The following TIAM1 variants were observed in gnomAD, a reference collection of about 807,000 sequenced individuals.
The protein encoded by TIAM1 is TIAM Rac1 associated GEF 1, also known as rho guanine nucleotide exchange factor TIAM1.
In TIAM1, 65 loss-of-function variants were observed where a neutral mutation model predicts 163.5. The observed-to-expected ratio is 0.40, with a 90% CI of 0.33 to 0.49. The LOEUF is 0.49. TIAM1 is among the 20% of genes least tolerant of loss of function. The pLI is 0.77. For synonymous variants in TIAM1, 833 were observed against 810.1 expected (o/e 1.03, Z -0.48); for missense variants, 1,789 against 2,044.7 (o/e 0.87, Z 2.41).
intron 2 of TIAM1, among the ~76,000 whole-genome samples, chr21:31,325,704 C>G (rs1448418911): frequency 6.6e-6 from 1 of 151,108 alleles, no homozygotes; most frequent in East Asian, 1.9e-4. Context: ...GAAGAAGGTT[C>G]ATCTAAAATA....
At chr21:31,386,764 G>C (rs1010031327) in intron 2 of TIAM1, among the ~76,000 whole-genome samples, 6 of 152,212 alleles carry the variant, frequency 3.9e-5, no homozygotes, top group African/African-American at 1.4e-4. Context: ...GTAACAGCCA[G>C]AGAGAGGTGA....
At chr21:31,341,353 C>T (rs1279112645) in intron 1 of TIAM1, among the ~76,000 whole-genome samples, 1 of 152,210 alleles carries the variant, frequency 6.6e-6, no homozygotes, top group Non-Finnish European at 1.5e-5. Context: ...CCAGGTCTTT[C>T]TGACTCCAGC....
chr21:31,378,604 C>T (rs2076727994), intron 2 of TIAM1, among the ~76,000 whole-genome samples: 1 of 152,120 alleles, frequency 6.6e-6, no homozygotes, highest in African/African-American at 2.4e-5. Context: ...GGCTTTTAAC[C>T]ATTTTACTCC....
rs141727670 is a variant in TIAM1, at chr21:31,295,823, T to A, written c.-188-18915A>T. On this transcript the variant is annotated intron_variant, in intron 2 of 27. Coordinates refer to ENST00000541036, the MANE Select transcript of TIAM1 (RefSeq NM_001353694.2). The stretch of plus-strand genomic sequence containing the variant: ...TTGACTCTGATTATTTTTGTTTGTT[T>A]GTTTTTTGAGACGGATTGGGCTGGA... Among the ~76,000 whole-genome samples the A allele has an allele frequency of 8.2e-3, 1,246 of 152,278 alleles. 2 individuals are homozygous for A. Among genetic ancestry groups the A allele is most frequent in the Admixed American group, 0.013 (201 of 15,300 alleles).
At chr21:31,393,783 T>C (rs1388554905) in intron 2 of TIAM1, among the ~76,000 whole-genome samples, 1 of 152,192 alleles carries the variant, frequency 6.6e-6, no homozygotes, top group Non-Finnish European at 1.5e-5. Flanking sequence ...CAGAATGCCC[T>C]AAATCTTTCC....
chr21:31,392,377 C>A (rs2076979994), intron 2 of TIAM1, among the ~76,000 whole-genome samples: 1 of 151,900 alleles, frequency 6.6e-6, no homozygotes, highest in East Asian at 1.9e-4. Flanking sequence ...TCAAGACCAG[C>A]CTGACCAACG....
intron 2 of TIAM1, among the ~76,000 whole-genome samples, chr21:31,392,556 G>T (rs2076984718): frequency 9.0e-6 from 1 of 111,158 alleles, no homozygotes; most frequent in Admixed American, 1.1e-4. Flanking sequence ...GGCAACAAGA[G>T]CAAAACTCTG....
At chr21:31,364,290 G>T (rs2076461554) in intron 2 of TIAM1, among the ~76,000 whole-genome samples, 1 of 152,184 alleles carries the variant, frequency 6.6e-6, no homozygotes, top group Admixed American at 6.5e-5. Context: ...GAGTAAACTT[G>T]TTAACCAAAG....
At chr21:31,157,374 A>G (rs2083674133) in intron 16 of TIAM1, among the ~76,000 whole-genome samples, 1 of 152,248 alleles carries the variant, frequency 6.6e-6, no homozygotes, top group South Asian at 2.1e-4. Context: ...TGCAGTTCAA[A>G]AACTAGCAAG....
chr21:31,346,587 G>A (rs1349970342), upstream of TIAM1, among the ~76,000 whole-genome samples: 1 of 152,200 alleles, frequency 6.6e-6, no homozygotes, highest in African/African-American at 2.4e-5. Flanking sequence ...AGCCGACATG[G>A]TGTGCAGCGA....
chr21:31,410,012 C>T (rs1401289965), intron 2 of TIAM1, among the ~76,000 whole-genome samples: 2 of 151,920 alleles, frequency 1.3e-5, no homozygotes, highest in African/African-American at 2.4e-5. Context: ...GCCAGGGAAA[C>T]GCAGCAACAT....
intron 1 of TIAM1, among the ~76,000 whole-genome samples, chr21:31,558,644 C>G (rs1298933962): frequency 6.6e-6 from 1 of 152,162 alleles, no homozygotes; most frequent in Non-Finnish European, 1.5e-5. Context: ...TTCCATCCAG[C>G]GAAGGCACCT....
At chr21:31,368,271 C>A (rs575147947) in intron 2 of TIAM1, among the ~76,000 whole-genome samples, 1 of 151,364 alleles carries the variant, frequency 6.6e-6, no homozygotes, top group South Asian at 2.1e-4. Context: ...CTCCTCAGGG[C>A]TTTAATATTC....
chr21:31,286,391 T>A (rs963684402), intron 2 of TIAM1, among the ~76,000 whole-genome samples: 4 of 152,068 alleles, frequency 2.6e-5, no homozygotes, highest in African/African-American at 9.7e-5. Flanking sequence ...TGGTAAGACC[T>A]CATGTCTATT....
chr21:31,373,507 G>T (rs1173921960), intron 2 of TIAM1, among the ~76,000 whole-genome samples: 1 of 152,134 alleles, frequency 6.6e-6, no homozygotes, highest in Admixed American at 6.6e-5. Flanking sequence ...AAACCCATCG[G>T]ATCTCGTGAG....
chr21:31,317,182 T>C (rs1047569430), intron 2 of TIAM1, among the ~76,000 whole-genome samples: 3 of 152,006 alleles, frequency 2.0e-5, no homozygotes, highest in Admixed American at 6.6e-5. Context: ...TGGCCGGGCA[T>C]GGTGGCTCAA....
At chr21:31,171,370 A>T (rs1218180016) in intron 15 of TIAM1, among the ~76,000 whole-genome samples, 1 of 152,244 alleles carries the variant, frequency 6.6e-6, no homozygotes, top group Non-Finnish European at 1.5e-5. Flanking sequence ...TTGAAAATTC[A>T]GATTTTGCTG....
intron 1 of TIAM1, among the ~76,000 whole-genome samples, chr21:31,515,862 C>CT (rs1225028357): frequency 1.3e-5 from 2 of 152,162 alleles, no homozygotes; most frequent in Non-Finnish European, 2.9e-5. Context: ...AATCCCAGAA[C>CT]TTTGAGAGGC....
intron 2 of TIAM1, among the ~76,000 whole-genome samples, chr21:31,325,574 A>G (rs2075458534): frequency 6.6e-6 from 1 of 151,688 alleles, no homozygotes; most frequent in Admixed American, 6.6e-5. Flanking sequence ...AAGCTGAGGC[A>G]TGAGAAACAC....
Sources: allele counts gnomAD v4.1 joint callset (sites outside exome capture counted in the v4.1 genomes callset), GRCh38; gene constraint gnomAD v4.1.1; transcripts MANE v1.5; gene names NCBI Gene and HGNC (gene_info 2026-07-23, HGNC 2026-07-21).